Variants in ADRA1B observed in about 807,000 individuals in gnomAD.
ADRA1B encodes the protein adrenoceptor alpha 1B.
A neutral mutation model predicts 17.9 loss-of-function variants in ADRA1B; 17 were observed. That is an observed-to-expected ratio of 0.95 (90% CI 0.65 to 1.42). ADRA1B has a LOEUF of 1.42. Ranked by LOEUF, ADRA1B falls within the 40% of genes most tolerant of loss-of-function variation. The probability of loss-of-function intolerance (pLI) is 0.00; values close to 1 mark genes in which losing one functional copy is unlikely to be tolerated. For missense variants in ADRA1B, 681 were observed against 722.1 expected, an observed-to-expected ratio of 0.94 and a Z score of 0.65; for synonymous variants, 366 against 327.6, an observed-to-expected ratio of 1.12 and a Z score of -1.27.
Position 159,962,929 on chromosome 5 carries a change from TC to T in ADRA1B, c.950-8949del, listed in dbSNP as rs1470130721. Among the ~76,000 whole-genome samples the T allele has an allele frequency of 7.1e-5, 9 of 126,388 alleles. No individual in the cohort carries two copies. The East Asian group carries it at 1.2e-3, about 17-fold the overall frequency. The allele number at this position is 126,388 out of a possible 152,430, so 82.9% of individuals were successfully genotyped here. A position where few individuals can be genotyped will look rare whatever the true frequency, so the allele number is the denominator to read the frequency against. On this transcript the variant is annotated intron_variant, in intron 1 of 1. Coordinates refer to ENST00000306675, the MANE Select transcript of ADRA1B (RefSeq NM_000679.4). ...TTTCTTTCTTTCTTTCTTTTTCTTTTCTTTTCTTTTTTTTTTTTTTTTTGAA... is the reference window on the plus strand; with the variant it reads ...TTTCTTTCTTTCTTTCTTTTTCTTTTTTTTCTTTTTTTTTTTTTTTTTGAA...
chr5:159,951,535 A>T (rs1203956955), intron 1 of ADRA1B: 26 of 622,862 alleles, frequency 4.2e-5, no homozygotes, highest in Non-Finnish European at 7.1e-5. Context: ...GCACGAGAAG[A>T]TGCAGCTGTC....
intron 1 of ADRA1B, among the ~76,000 whole-genome samples, chr5:159,944,996 G>A (rs948686254): frequency 2.0e-5 from 3 of 152,206 alleles, no homozygotes; most frequent in Non-Finnish European, 2.9e-5. Context: ...ATATGGAGTG[G>A]TGTGCTAGAG....
At chr5:159,925,607 A>C (rs995065941) in intron 1 of ADRA1B, among the ~76,000 whole-genome samples, 1 of 152,194 alleles carries the variant, frequency 6.6e-6, no homozygotes. Flanking sequence ...GTGAGTTGGC[A>C]TCGTGGGCGA....
chr5:159,882,907 T>A (rs1018628850), intron 1 of ADRA1B, among the ~76,000 whole-genome samples: 3 of 152,012 alleles, frequency 2.0e-5, no homozygotes, highest in Non-Finnish European at 4.4e-5. Context: ...CTCTCCAAAC[T>A]GACAATATCA....
intron 1 of ADRA1B, chr5:159,950,512 TG>T: frequency 6.6e-7 from 1 of 1,516,056 alleles, no homozygotes; most frequent in South Asian, 1.1e-5. Context: ...GGAGGCTATG[TG>T]GGCCATGAGG....
intron 1 of ADRA1B, among the ~76,000 whole-genome samples, chr5:159,880,472 A>G (rs1245245113): frequency 6.6e-6 from 1 of 152,210 alleles, no homozygotes; most frequent in African/African-American, 2.4e-5. Context: ...TGTGGACCCA[A>G]GATGAAATGT....
At chr5:159,910,654 A>G (rs1445151950) in intron 1 of ADRA1B, among the ~76,000 whole-genome samples, 2 of 152,214 alleles carry the variant, frequency 1.3e-5, no homozygotes, top group Non-Finnish European at 2.9e-5. Context: ...GACAACACGC[A>G]AACAAATCAG....
At position 159,869,035 on chromosome 5, in the gene ADRA1B, G is replaced by T. The variant is rs1379765120; in HGVS notation, c.-256+3829G>T. 3.9e-5 allele frequency: 6 copies of T among 152,300 alleles called. No individual in the cohort carries two copies. In the South Asian group the frequency reaches 1.2e-3, roughly 32 times the overall value. The allele number at this position is 152,300 out of a possible 1,614,324, so 9.4% of individuals were successfully genotyped here. Reference sequence around the variant, plus strand: ...TATCCTGAAGCCTCAAATCAAAAAGGCAGCAGAGATTAAACAACATATTGT... The same window carrying T: ...TATCCTGAAGCCTCAAATCAAAAAGTCAGCAGAGATTAAACAACATATTGT... On this transcript the variant is annotated intron_variant, in intron 1 of 2. Coordinates refer to the ADRA1B transcript ENST00000641205.
intron 1 of ADRA1B, among the ~76,000 whole-genome samples, chr5:159,936,320 A>G (rs553068187): frequency 6.6e-6 from 1 of 152,362 alleles, no homozygotes; most frequent in South Asian, 2.1e-4. Context: ...TAAGGGCTCA[A>G]TGAACATTTG....
In ADRA1B at chr5:159,905,537, C is replaced by T. The variant is rs1004869913; in HGVS notation, c.-255-10582C>T. 1.1e-4 allele frequency among the ~76,000 whole-genome samples: 17 copies of T among 152,342 alleles called. No individual in the cohort carries two copies. The East Asian group carries it at 2.5e-3, about 22-fold the overall frequency. On this transcript the variant is annotated intron_variant, in intron 1 of 2. Transcript: ENST00000641205. Reference sequence around the variant, plus strand: ...CACTCACTCATCTAATAAATATTTACTGAGCACTTACTAACCATTAGACAA... The same window carrying T: ...CACTCACTCATCTAATAAATATTTATTGAGCACTTACTAACCATTAGACAA...
Position 159,963,856 on chromosome 5 carries a change from A to G in ADRA1B, c.950-8023A>G, listed in dbSNP as rs374914933. Among the ~76,000 whole-genome samples the G allele has an allele frequency of 1.2e-4, 18 of 152,286 alleles. No individual in the cohort carries two copies. In the East Asian group the frequency reaches 2.5e-3, roughly 21 times the overall value. On this transcript the variant is annotated intron_variant, in intron 1 of 1. Coordinates refer to ENST00000306675, the MANE Select transcript of ADRA1B (RefSeq NM_000679.4). The stretch of plus-strand genomic sequence containing the variant: ...TTTTTCCCTGTGTATATCCTGCTCA[A>G]TGTGAGCCTTTGACCCTTGCACTTC...
intron 1 of ADRA1B, among the ~76,000 whole-genome samples, chr5:159,906,836 G>A (rs1028092458): frequency 6.6e-6 from 1 of 152,204 alleles, no homozygotes; most frequent in Non-Finnish European, 1.5e-5. Flanking sequence ...TGACTTGAGA[G>A]CTCCAGACTG....
chr5:159,972,034 G>C lies in ADRA1B; in HGVS notation c.1105G>C (p.Gly369Arg). The change falls in exon 2 of 2, where the codon GGC (glycine) becomes CGC (arginine). Residue 369 changes from glycine (G) to arginine (R), a missense_variant. This residue lies in a region of ADRA1B where 424 missense variants were observed against 480.2 expected (regional missense o/e 0.88). Coordinates refer to ENST00000306675, the MANE Select transcript of ADRA1B (RefSeq NM_000679.4). ...FVRILGCQCRGRGRRRRRRRR... is the reference protein window; with the variant it reads ...FVRILGCQCRRRGRRRRRRRR... ...GCGCATCCTCGGGTGCCAGTGCCGCGGCCGCGGCCGCCGCCGACGCCGCCG... is the reference window on the plus strand; with the variant it reads ...GCGCATCCTCGGGTGCCAGTGCCGCCGCCGCGGCCGCCGCCGACGCCGCCG... 3 of 1,398,998 alleles carry C rather than the reference G, an allele frequency of 2.1e-6. No individual in the cohort carries two copies. Among genetic ancestry groups the C allele is most frequent in the South Asian group, 1.9e-5 (1 of 53,188 alleles). 86.7% of individuals were successfully genotyped at this position (1,398,998 alleles called of 1,614,324 possible).
Position 159,917,388 on chromosome 5 carries a change from G to A in ADRA1B, c.483G>A (p.Lys161=), listed in dbSNP as rs1754349235. The change falls in exon 1 of 2, where the codon AAG becomes AAA. Residue 161 remains lysine (K), a synonymous_variant. Coordinates refer to ENST00000306675, the MANE Select transcript of ADRA1B (RefSeq NM_000679.4). ...LQYPTLVTRR[K]AILALLSVWV... ...ATCCCACGCTGGTCACCCGGAGGAA[G>A]GCCATCTTGGCGCTGCTCAGTGTCT... The A allele has an allele frequency of 1.9e-6, 3 of 1,614,162 alleles. No homozygotes were observed. The highest frequency in any genetic ancestry group is 3.3e-5 in the Admixed American group (2 of 60,024).
chr5:159,941,010 G>C (rs1176993362), intron 1 of ADRA1B, among the ~76,000 whole-genome samples: 2 of 152,190 alleles, frequency 1.3e-5, no homozygotes, highest in African/African-American at 4.8e-5. Context: ...TGTGACAAGA[G>C]CTAACTTGGA....
At chr5:159,975,408 A>G (rs1755956785), downstream of ADRA1B, among the ~76,000 whole-genome samples, 1 of 152,192 alleles carries the variant, frequency 6.6e-6, no homozygotes, top group African/African-American at 2.4e-5. Flanking sequence ...CTTCTGGTCT[A>G]GCAAATGGAC....
chr5:159,874,953 A>G (rs1484365867), intron 1 of ADRA1B, among the ~76,000 whole-genome samples: 2 of 152,206 alleles, frequency 1.3e-5, no homozygotes, highest in African/African-American at 2.4e-5. Flanking sequence ...ATTGGGCTAA[A>G]TGAGAACTGA....
upstream of ADRA1B, among the ~76,000 whole-genome samples, chr5:159,914,864 G>T (rs1276112816): frequency 6.6e-6 from 1 of 152,198 alleles, no homozygotes; most frequent in Non-Finnish European, 1.5e-5. Flanking sequence ...TGGAGTAAAA[G>T]AAGGTATCAG....
At chr5:159,984,553 A>G in the ADRA1B span, among the ~76,000 whole-genome samples, 1 of 152,074 alleles carries the variant, frequency 6.6e-6, no homozygotes, top group Non-Finnish European at 1.5e-5. Context: ...CTTCCACCTC[A>G]GAAAACTGTC....
Sources: gnomAD v4.1 joint callset for allele counts (sites outside exome capture counted in the v4.1 genomes callset) on GRCh38, gnomAD v4.1.1 for gene constraint, gnomAD v4.1.1 regional missense constraint, MANE v1.5 for transcripts, NCBI Gene and HGNC (gene_info 2026-07-23, HGNC 2026-07-21) for gene names.